FYN: variants seen among roughly 807,000 people sequenced by gnomAD.
FYN encodes the protein FYN proto-oncogene, Src family tyrosine kinase.
Under a neutral mutation model 70.2 loss-of-function variants are expected in FYN, and 10 were observed. That is an observed-to-expected ratio of 0.14 (90% confidence interval 0.09 to 0.24). The LOEUF (loss-of-function observed/expected upper bound fraction) is 0.24, where lower values mean the gene tolerates loss of function less well. FYN is among the 10% of genes least tolerant of loss of function. FYN has a pLI of 1.00. For missense variants in FYN, 319 were observed against 673.1 expected (o/e 0.47, Z 5.82); for synonymous variants, 236 against 248.6 (o/e 0.95, Z 0.48).
chr6:111,733,953 G>A (rs1801583330), intron 3 of FYN, among the ~76,000 whole-genome samples: 1 of 152,160 alleles, frequency 6.6e-6, no homozygotes, highest in African/African-American at 2.4e-5. Context: ...CAGGCATGGT[G>A]GTATGTGCCT....
intron 13 of FYN, among the ~76,000 whole-genome samples, chr6:111,666,550 A>T (rs1367388411): frequency 6.6e-6 from 1 of 152,192 alleles, no homozygotes; most frequent in Admixed American, 6.5e-5. Flanking sequence ...CATAGGGTAC[A>T]ACTGAACAGT....
At chr6:111,870,230 GC>G (rs1774232967) in intron 1 of FYN, among the ~76,000 whole-genome samples, 1 of 152,190 alleles carries the variant, frequency 6.6e-6, no homozygotes, top group Non-Finnish European at 1.5e-5. Flanking sequence ...AAGTGGGTGT[GC>G]CCCGTCTACT....
At chr6:111,775,327 A>G (rs1458996540) in intron 3 of FYN, among the ~76,000 whole-genome samples, 1 of 152,228 alleles carries the variant, frequency 6.6e-6, no homozygotes, top group Non-Finnish European at 1.5e-5. Flanking sequence ...GAGGAGCAGG[A>G]TGGCCTCCCG....
chr6:111,799,289 G>GCAT (rs1312230511), intron 2 of FYN, among the ~76,000 whole-genome samples: 2 of 152,186 alleles, frequency 1.3e-5, no homozygotes, highest in East Asian at 3.9e-4. Context: ...TAAATGTGCA[G>GCAT]ATATATCCTG....
intron 2 of FYN, among the ~76,000 whole-genome samples, chr6:111,802,151 A>C (rs1772006720): frequency 6.6e-6 from 1 of 152,106 alleles, no homozygotes; most frequent in Non-Finnish European, 1.5e-5. Flanking sequence ...TCATGGGGGC[A>C]GATGTCCCAC....
intron 3 of FYN, among the ~76,000 whole-genome samples, chr6:111,721,736 G>T (rs1263094228): frequency 6.6e-6 from 1 of 151,792 alleles, no homozygotes; most frequent in Non-Finnish European, 1.5e-5. Context: ...AGTGTACCTT[G>T]CATTTTAAAA....
chr6:111,699,724 G>A, intron 9 of FYN: 4 of 1,520,094 alleles, frequency 2.6e-6, no homozygotes, highest in Non-Finnish European at 3.6e-6. Flanking sequence ...CCATAATTAT[G>A]CATGCACTAG....
At chr6:111,746,988 T>C (rs548110271) in intron 3 of FYN, among the ~76,000 whole-genome samples, 27 of 152,204 alleles carry the variant, frequency 1.8e-4, no homozygotes, top group Non-Finnish European at 3.2e-4. Context: ...TGAGAATTTA[T>C]GTACTCAATA....
chr6:111,847,557 T>C (rs1226363023), intron 1 of FYN, among the ~76,000 whole-genome samples: 1 of 152,188 alleles, frequency 6.6e-6, no homozygotes, highest in Non-Finnish European at 1.5e-5. Context: ...TCCTATCTTG[T>C]AGAGACTCTT....
chr6:111,784,960 A>G (rs1771309621), intron 2 of FYN, among the ~76,000 whole-genome samples: 4 of 152,236 alleles, frequency 2.6e-5, no homozygotes, highest in Admixed American at 2.6e-4. Context: ...TCTGCTTCAC[A>G]CATAGAAGTG....
chr6:111,671,876 C>T (rs1046399914), intron 13 of FYN, among the ~76,000 whole-genome samples: 1 of 152,192 alleles, frequency 6.6e-6, no homozygotes, highest in African/African-American at 2.4e-5. Context: ...TCTGTAAAAG[C>T]TTCTCCCTCA....
intron 2 of FYN, among the ~76,000 whole-genome samples, chr6:111,821,441 C>CATA (rs1772659031): frequency 6.6e-6 from 1 of 152,096 alleles, no homozygotes. Context: ...ATGTAGAGAG[C>CATA]TGAAACTGGA....
chr6:111,869,864 T>C (rs776315907), intron 1 of FYN, among the ~76,000 whole-genome samples: 3 of 152,200 alleles, frequency 2.0e-5, no homozygotes, highest in Admixed American at 1.3e-4. Context: ...ATTGGCAACA[T>C]TTGAAACATA....
intron 12 of FYN, among the ~76,000 whole-genome samples, chr6:111,687,484 G>A (rs529076904): frequency 3.3e-4 from 50 of 151,830 alleles, no homozygotes; most frequent in Admixed American, 1.3e-3. Context: ...AAACCATAGA[G>A]CAACCCCAGT....
intron 1 of FYN, among the ~76,000 whole-genome samples, chr6:111,871,053 T>C (rs1774258010): frequency 6.6e-6 from 1 of 152,354 alleles, no homozygotes; most frequent in East Asian, 1.9e-4. Flanking sequence ...TACTGAAGAC[T>C]AAACCTACAG....
intron 4 of FYN, among the ~76,000 whole-genome samples, chr6:111,719,008 G>A (rs1478682535): frequency 6.6e-6 from 1 of 152,128 alleles, no homozygotes; most frequent in Non-Finnish European, 1.5e-5. Context: ...GAGAGATACT[G>A]GATTCTTTCA....
intron 5 of FYN, among the ~76,000 whole-genome samples, chr6:111,711,578 T>C (rs1800381284): frequency 6.6e-6 from 1 of 152,194 alleles, no homozygotes; most frequent in Non-Finnish European, 1.5e-5. Context: ...ATGTTGTACT[T>C]TAACAAAGCC....
At chr6:111,674,421 A>G in intron 13 of FYN, 78 bp downstream of exon 13, 1 of 1,488,970 alleles carries the variant, frequency 6.7e-7, no homozygotes, top group Admixed American at 1.9e-5. Flanking sequence ...CTTAGAAAGC[A>G]AAGTGGATGA....
chr6:111,846,663 A>G (rs953677075), intron 1 of FYN, 34 bp from the exon 2 acceptor site: 2 of 398,762 alleles, frequency 5.0e-6, no homozygotes, highest in Non-Finnish European at 8.8e-6. Flanking sequence ...TGAGACATCA[A>G]AAGAGAACCA....
Sources: gnomAD v4.1 joint callset for allele counts (sites outside exome capture counted in the v4.1 genomes callset) on GRCh38, gnomAD v4.1.1 for gene constraint, MANE v1.5 for transcripts, NCBI Gene and HGNC (gene_info 2026-07-23, HGNC 2026-07-21) for gene names.